Variants in NR2F6 observed in about 807,000 individuals in gnomAD.
The protein encoded by NR2F6 is nuclear receptor subfamily 2 group F member 6.
In NR2F6, 16 loss-of-function variants were observed where a neutral mutation model predicts 26.5. The ratio of observed to expected loss-of-function variants is 0.60; its 90% CI spans 0.41 to 0.92. The LOEUF is 0.92. NR2F6 is among the 40% of genes least tolerant of loss of function. NR2F6 has a pLI of 0.00. For synonymous variants in NR2F6, 325 were observed against 305.0 expected (o/e 1.07, Z -0.68); for missense variants, 536 against 631.7 (o/e 0.85, Z 1.62).
intron 2 of NR2F6, 31 bp downstream of exon 2, chr19:17,240,640 C>A (rs777570304): frequency 6.2e-7 from 1 of 1,607,626 alleles, no homozygotes; most frequent in Non-Finnish European, 8.5e-7. Flanking sequence ...CGGCTGTGAT[C>A]GTCCCCAGTG....
Position 17,245,812 on chromosome 19 carries a change from G to C in NR2F6, c.-592C>G, listed in dbSNP as rs2073495747. 1 of 145,710 alleles carries C rather than the reference G, an allele frequency of 6.9e-6. No individual in the cohort carries two copies. The highest frequency in any genetic ancestry group is 1.5e-5 in the Non-Finnish European group (1 of 65,612). The allele number at this position is 145,710 out of a possible 1,614,324, so 9.0% of individuals were successfully genotyped here. On this transcript the variant is annotated 5_prime_UTR_variant, in exon 1 of 4. Transcript: ENST00000291442. The surrounding 1 kb of genome is among the most constrained non-coding windows in gnomAD (Gnocchi z 5.0). ...CGGCGCCTCTGGAGCTGCCGCCCCC[G>C]CTGCGGCCGCTCCTGCCTGGCCTGG...
chr19:17,245,849 G>A lies in NR2F6; in HGVS notation c.-629C>T, dbSNP rs1261358499. ...CCTGCCTGGCCTGGGCCTGCGCCTG[G>A]GCCCAAGCCTCGCTCTCGCCGCCGC... On this transcript the variant is annotated 5_prime_UTR_variant, in exon 1 of 4. Coordinates refer to ENST00000291442, the MANE Select transcript of NR2F6 (RefSeq NM_005234.4). The surrounding 1 kb of genome is among the most constrained non-coding windows in gnomAD (Gnocchi z 5.0). The A allele has an allele frequency of 2.0e-5, 3 of 146,790 alleles. No homozygotes were observed. The East Asian group carries it at 5.9e-4, about 29-fold the overall frequency. The allele number at this position is 146,790 out of a possible 1,614,324, so 9.1% of individuals were successfully genotyped here. A position where few individuals can be genotyped will look rare whatever the true frequency, so the allele number is the denominator to read the frequency against.
chr19:17,239,109 C>G (rs568754924), intron 2 of NR2F6, among the ~76,000 whole-genome samples: 6 of 152,038 alleles, frequency 3.9e-5, no homozygotes, highest in Non-Finnish European at 5.9e-5. Flanking sequence ...GAGGCCGAGG[C>G]GGGCAGATCA....
At chr19:17,236,256 G>GGGAAA (rs1220410163) in intron 2 of NR2F6, among the ~76,000 whole-genome samples, 191 bp from the exon 3 acceptor site, 1 of 64,628 alleles carries the variant, frequency 1.5e-5, no homozygotes, top group Non-Finnish European at 2.9e-5. Flanking sequence ...CGGAAGAGGG[G>GGGAAA]GGATGAGGGG....
At chr19:17,239,285 C>G (rs1599455714) in intron 2 of NR2F6, among the ~76,000 whole-genome samples, 1 of 151,276 alleles carries the variant, frequency 6.6e-6, no homozygotes, top group South Asian at 2.1e-4. Context: ...TGCAGTGAGC[C>G]GAGATGGCAC....
At chr19:17,234,333 A>G (rs2073424200) in intron 3 of NR2F6, among the ~76,000 whole-genome samples, 1 of 152,124 alleles carries the variant, frequency 6.6e-6, no homozygotes, top group Non-Finnish European at 1.5e-5. Flanking sequence ...TGGGAAAATC[A>G]GAGCTCACTG....
chr19:17,245,095 G>T lies in NR2F6; in HGVS notation c.126C>A (p.Ala42=). Residue 42 remains alanine, a synonymous_variant, in exon 1 of 4, where the codon GCC becomes GCA. Coordinates refer to ENST00000291442, the MANE Select transcript of NR2F6 (RefSeq NM_005234.4). The surrounding 1 kb of genome is among the most constrained non-coding windows in gnomAD (Gnocchi z 5.0). The part of the protein sequence containing the change: ...SASPPGAASD[A]EPGDEERPGL... ...CCGGCCGCTCCTCGTCGCCCGGCTC[G>T]GCGTCGCTGGCGGCACCGGGGGGCG... 1 of 1,571,108 alleles carries T rather than the reference G, an allele frequency of 6.4e-7. No individual in the cohort carries two copies. Among genetic ancestry groups the T allele is most frequent in the Non-Finnish European group, 8.6e-7 (1 of 1,161,164 alleles).
Position 17,245,569 on chromosome 19 carries a change from G to A in NR2F6, c.-349C>T, listed in dbSNP as rs1343116064. 2.0e-5 allele frequency: 3 copies of A among 146,690 alleles called. No homozygotes were observed. Among genetic ancestry groups the A allele is most frequent in the South Asian group, 4.2e-4 (2 of 4,816 alleles). The allele number at this position is 146,690 out of a possible 1,614,324, so 9.1% of individuals were successfully genotyped here. Reference sequence around the variant, plus strand: ...TGGCCCGGCCCGAGCCGCGCAGGGGGCGTCCTCTGGCCTGGCCGCCGCTCG... The same window carrying A: ...TGGCCCGGCCCGAGCCGCGCAGGGGACGTCCTCTGGCCTGGCCGCCGCTCG... On this transcript the variant is annotated 5_prime_UTR_variant, in exon 1 of 4. Transcript: ENST00000291442. This position sits in a 1 kb window ranked among gnomAD's most constrained non-coding sequence, Gnocchi z 5.0.
At chr19:17,240,843 A>C in intron 1 of NR2F6, 78 bp from the exon 2 acceptor site, 1 of 1,417,968 alleles carries the variant, frequency 7.1e-7, no homozygotes, top group Non-Finnish European at 9.8e-7. Flanking sequence ...CCGCCTTTGG[A>C]GGCTGCCCCT....
rs1247762514 is a variant in NR2F6, at chr19:17,235,677, C to T, written c.762G>A (p.Leu254=). The T allele has an allele frequency of 6.6e-7, 1 of 1,505,076 alleles. No homozygotes were observed. The highest frequency in any genetic ancestry group is 1.2e-5 in the South Asian group (1 of 81,034). 93.2% of individuals were successfully genotyped at this position (1,505,076 alleles called of 1,614,324 possible). A position where few individuals can be genotyped will look rare whatever the true frequency, so the allele number is the denominator to read the frequency against. The change falls in exon 3 of 4, where the codon CTG becomes CTA. Residue 254 remains leucine (L), a synonymous_variant. Transcript: ENST00000291442. This position sits in a 1 kb window ranked among gnomAD's most constrained non-coding sequence, Gnocchi z 5.0. ...VLNAAQAALP[L]HTAPLLAAAG... is the part of the protein sequence containing the mutation. ...CGGCGGCCAGTAGCGGCGCCGTGTG[C>T]AGGGGCAGCGCCGCCTGCGCCGCGT... is the stretch of plus-strand genomic sequence containing the variant.
At position 17,242,414 on chromosome 19, in the gene NR2F6, C is replaced by T. The variant is rs562837092; in HGVS notation, c.279-1649G>A. Among the ~76,000 whole-genome samples the T allele has an allele frequency of 1.7e-4, 26 of 152,338 alleles. No homozygotes were observed. The South Asian group carries it at 5.4e-3, about 32-fold the overall frequency. ...CGACTGCCCCACTGAGCCTCGGTTT[C>T]CTCATCTGAAAATGGGAGGTCAGAT... On this transcript the variant is annotated intron_variant, in intron 1 of 3. Coordinates refer to ENST00000291442, the MANE Select transcript of NR2F6 (RefSeq NM_005234.4).
chr19:17,239,187 A>C (rs1450949394), intron 2 of NR2F6, among the ~76,000 whole-genome samples: 1 of 151,394 alleles, frequency 6.6e-6, no homozygotes, highest in Admixed American at 6.6e-5. Flanking sequence ...AAATACAAAA[A>C]TTAGCTGGGC....
intron 3 of NR2F6, 63 bp from the exon 4 acceptor site, chr19:17,232,689 G>A (rs1400949218): frequency 8.0e-6 from 12 of 1,492,632 alleles, no homozygotes; most frequent in Non-Finnish European, 9.8e-6. Flanking sequence ...GCCCACAGGG[G>A]TGACTAGGGG....
At chr19:17,241,519 C>T (rs1290774857) in intron 1 of NR2F6, among the ~76,000 whole-genome samples, 1 of 152,188 alleles carries the variant, frequency 6.6e-6, no homozygotes, top group East Asian at 1.9e-4. Flanking sequence ...TGGGTCAGCC[C>T]CCAAGCAGGA....
chr19:17,232,307 G>A lies in NR2F6; in HGVS notation c.*45C>T, dbSNP rs1555710616. 1 of 1,612,826 alleles carries A rather than the reference G, an allele frequency of 6.2e-7. No homozygotes were observed. Reference sequence around the variant, plus strand: ...GGCCTCAGCATTCCCTGTCCCTTGAGGTCTGTCTGCAGGCCTGGCCACAGC... The same window carrying A: ...GGCCTCAGCATTCCCTGTCCCTTGAAGTCTGTCTGCAGGCCTGGCCACAGC... On this transcript the variant is annotated 3_prime_UTR_variant, in exon 4 of 4. Transcript: ENST00000291442.
chr19:17,245,194 GC>G lies in NR2F6; in HGVS notation c.26del (p.Gly9AlafsTer113). 6 of 1,376,670 alleles carry G rather than the reference GC, an allele frequency of 4.4e-6. No homozygotes were observed. The highest frequency in any genetic ancestry group is 6.3e-5 in the Admixed American group (2 of 31,592). The allele number at this position is 1,376,670 out of a possible 1,614,324, so 85.3% of individuals were successfully genotyped here. A position where few individuals can be genotyped will look rare whatever the true frequency, so the allele number is the denominator to read the frequency against. Reference sequence around the variant, plus strand: ...CGCCGTTCGTGTCGCCGCCGGGGCCGCCCCAGCCGCCGGTCACCATGGCCAT... The same window carrying G: ...CGCCGTTCGTGTCGCCGCCGGGGCCGCCCAGCCGCCGGTCACCATGGCCAT... MAMVTGGW[G>X]GPGGDTNGVD... On this transcript the variant is annotated frameshift_variant, in exon 1 of 4. Transcript: ENST00000291442. LOFTEE classifies it high-confidence loss of function. The surrounding 1 kb of genome is among the most constrained non-coding windows in gnomAD (Gnocchi z 5.0).
chr19:17,235,675 T>C lies in NR2F6; in HGVS notation c.764A>G (p.His255Arg), dbSNP rs769880924. The C allele has an allele frequency of 6.6e-7, 1 of 1,506,202 alleles. No individual in the cohort carries two copies. Among genetic ancestry groups the C allele is most frequent in the Non-Finnish European group, 8.8e-7 (1 of 1,136,592 alleles). 93.3% of individuals were successfully genotyped at this position (1,506,202 alleles called of 1,614,324 possible). Reference sequence around the variant, plus strand: ...GGCGGCGGCCAGTAGCGGCGCCGTGTGCAGGGGCAGCGCCGCCTGCGCCGC... The same window carrying C: ...GGCGGCGGCCAGTAGCGGCGCCGTGCGCAGGGGCAGCGCCGCCTGCGCCGC... ...LNAAQAALPL[H>R]TAPLLAAAGL... Residue 255 changes from histidine to arginine, a missense_variant, in exon 3 of 4, where the codon CAC (histidine) becomes CGC (arginine). His to Arg is a conservative substitution (Grantham distance 29). Transcript: ENST00000291442. The surrounding 1 kb of genome is among the most constrained non-coding windows in gnomAD (Gnocchi z 5.0).
At chr19:17,241,478 C>T (rs2073468868) in intron 1 of NR2F6, among the ~76,000 whole-genome samples, 1 of 152,202 alleles carries the variant, frequency 6.6e-6, no homozygotes, top group Non-Finnish European at 1.5e-5. Flanking sequence ...GACAGGTGGC[C>T]CCACCCTGAG....
chr19:17,239,915 C>T (rs1159719865), intron 2 of NR2F6, among the ~76,000 whole-genome samples: 1 of 152,118 alleles, frequency 6.6e-6, no homozygotes, highest in Non-Finnish European at 1.5e-5. Context: ...CAGCCTGGCC[C>T]ACGACACAGT....
Sources: gnomAD v4.1 joint callset for allele counts (sites outside exome capture counted in the v4.1 genomes callset) on GRCh38, gnomAD v4.1.1 for gene constraint, Gnocchi (gnomAD v3.1) non-coding constraint, MANE v1.5 for transcripts, NCBI Gene and HGNC (gene_info 2026-07-23, HGNC 2026-07-21) for gene names.